Variants in VAV3 observed in about 807,000 individuals in gnomAD.
VAV3 encodes vav guanine nucleotide exchange factor 3, also known as guanine nucleotide exchange factor VAV3.
VAV3 carries 94 observed loss-of-function variants against 131.2 expected under a neutral mutation model. That is an observed-to-expected ratio of 0.72 (90% CI 0.61 to 0.85). The LOEUF is 0.85. Ranked by LOEUF, VAV3 falls within the 40% of genes least tolerant of loss-of-function variation. The probability of loss-of-function intolerance (pLI) is 0.00; values close to 1 mark genes in which losing one functional copy is unlikely to be tolerated. For synonymous variants in VAV3, 349 were observed against 342.0 expected, an observed-to-expected ratio of 1.02 and a Z score of -0.22; for missense variants, 939 against 1,002.7, an observed-to-expected ratio of 0.94 and a Z score of 0.86.
intron 19 of VAV3, among the ~76,000 whole-genome samples, chr1:107,659,766 G>A (rs559514390): frequency 6.6e-6 from 1 of 152,126 alleles, no homozygotes; most frequent in Admixed American, 6.5e-5. Flanking sequence ...GGTTTTTGTT[G>A]AAGGCTTCTT....
At chr1:107,933,968 T>C (rs1036378134) in intron 1 of VAV3, among the ~76,000 whole-genome samples, 3 of 152,148 alleles carry the variant, frequency 2.0e-5, no homozygotes, top group African/African-American at 4.8e-5. Flanking sequence ...TGGCTCACAA[T>C]AGTGATCAGA....
At chr1:107,819,642 C>A (rs1330023536) in intron 2 of VAV3, among the ~76,000 whole-genome samples, 1 of 151,876 alleles carries the variant, frequency 6.6e-6, no homozygotes, top group African/African-American at 2.4e-5. Flanking sequence ...ACTTTTTAAA[C>A]CTTTAAATGG....
intron 2 of VAV3, among the ~76,000 whole-genome samples, chr1:107,814,105 A>G (rs1057353945): frequency 1.3e-5 from 2 of 151,948 alleles, no homozygotes; most frequent in Admixed American, 1.3e-4. Flanking sequence ...ATAGTGCTGC[A>G]ATACACATGG....
chr1:107,785,722 A>G (rs1348727053), intron 2 of VAV3: 2 of 966,416 alleles, frequency 2.1e-6, no homozygotes, highest in African/African-American at 1.8e-5. Context: ...GGAGAAATTC[A>G]GACAGAAGCA....
chr1:107,787,701 T>TG (rs1167467211), intron 2 of VAV3, among the ~76,000 whole-genome samples: 2 of 152,230 alleles, frequency 1.3e-5, no homozygotes, highest in Non-Finnish European at 2.9e-5. Flanking sequence ...AAGCTTTTTG[T>TG]GGTTGCCATT....
intron 4 of VAV3, among the ~76,000 whole-genome samples, chr1:107,774,226 C>T (rs1422257442): frequency 6.6e-6 from 1 of 152,018 alleles, no homozygotes; most frequent in East Asian, 1.9e-4. Flanking sequence ...ACCACCATGC[C>T]CAGTTAATTT....
intron 25 of VAV3, among the ~76,000 whole-genome samples, chr1:107,581,763 T>A (rs1295490817): frequency 6.6e-6 from 1 of 152,232 alleles, no homozygotes; most frequent in Non-Finnish European, 1.5e-5. Context: ...TATTATGTTC[T>A]GCCTTGATCG....
chr1:107,805,908 T>TA (rs1285855521), intron 2 of VAV3, among the ~76,000 whole-genome samples: 2 of 152,122 alleles, frequency 1.3e-5, no homozygotes, highest in African/African-American at 4.8e-5. Context: ...AGCAAACAAT[T>TA]AGTGTGCTAC....
At chr1:107,746,077 C>G (rs753118702) in intron 15 of VAV3, among the ~76,000 whole-genome samples, 1 of 152,156 alleles carries the variant, frequency 6.6e-6, no homozygotes, top group Non-Finnish European at 1.5e-5. Flanking sequence ...AATGGATAAG[C>G]AGCAAAATTT....
At chr1:107,728,453 A>T (rs12751558) in intron 15 of VAV3, among the ~76,000 whole-genome samples, 21,752 of 151,980 alleles carry the variant, frequency 0.14, 1,749 homozygotes, top group South Asian at 0.26. Flanking sequence ...AGGGAAAAAT[A>T]ATCTGTTAAT....
chr1:107,965,064 G>T lies in VAV3; in HGVS notation c.-195C>A. On this transcript the variant is annotated 5_prime_UTR_variant, in exon 1 of 27. Transcript: ENST00000370056. ...TAGGCTCGGCTCCGGTCCCGGCCCG[G>T]GTGCGCCGCGACCCGGCCGCCGCTG... The T allele has an allele frequency of 5.0e-6, 1 of 201,818 alleles. No individual in the cohort carries two copies. The highest frequency in any genetic ancestry group is 8.7e-6 in the Non-Finnish European group (1 of 114,474). 12.5% of individuals were successfully genotyped at this position (201,818 alleles called of 1,614,324 possible). A position where few individuals can be genotyped will look rare whatever the true frequency, so the allele number is the denominator to read the frequency against.
chr1:107,720,193 AAAACTT>A (rs1456963211), intron 15 of VAV3, among the ~76,000 whole-genome samples: 1 of 152,000 alleles, frequency 6.6e-6, no homozygotes, highest in African/African-American at 2.4e-5. Flanking sequence ...CATGTACCCT[AAAACTT>A]AAAGTATAAT....
intron 1 of VAV3, among the ~76,000 whole-genome samples, chr1:107,888,426 A>G (rs1445889127): frequency 6.6e-6 from 1 of 152,178 alleles, no homozygotes; most frequent in African/African-American, 2.4e-5. Context: ...AATGCCTTTC[A>G]GCAGGCTTCT....
At chr1:107,881,754 C>T (rs528023662) in intron 1 of VAV3, among the ~76,000 whole-genome samples, 3 of 152,274 alleles carry the variant, frequency 2.0e-5, no homozygotes, top group Admixed American at 2.0e-4. Flanking sequence ...CAGGCCAAAG[C>T]TCTCTGGATT....
chr1:107,576,598 AC>A (rs1213324672), intron 25 of VAV3: 2 of 812,984 alleles, frequency 2.5e-6, no homozygotes, highest in South Asian at 2.2e-5. Context: ...AACAAGCCAA[AC>A]TTTTACATTT....
At chr1:107,783,830 C>T (rs914118167) in intron 2 of VAV3, among the ~76,000 whole-genome samples, 6 of 149,290 alleles carry the variant, frequency 4.0e-5, no homozygotes, top group Non-Finnish European at 8.9e-5. Flanking sequence ...GGGCAGATCA[C>T]GAGATCAGGA....
At chr1:107,654,144 T>C (rs1440141361) in intron 19 of VAV3, among the ~76,000 whole-genome samples, 1 of 152,098 alleles carries the variant, frequency 6.6e-6, no homozygotes, top group East Asian at 1.9e-4. Context: ...GTGGAATCTT[T>C]GATTGACCAA....
intron 15 of VAV3, among the ~76,000 whole-genome samples, chr1:107,712,305 C>T (rs1390136019): frequency 6.6e-6 from 1 of 152,184 alleles, no homozygotes; most frequent in African/African-American, 2.4e-5. Flanking sequence ...CAACACAAAT[C>T]CGTAAACTTT....
At chr1:107,584,714 A>C (rs929436497) in intron 25 of VAV3, among the ~76,000 whole-genome samples, 1 of 152,218 alleles carries the variant, frequency 6.6e-6, no homozygotes, top group African/African-American at 2.4e-5. Flanking sequence ...ACTTATGTCT[A>C]GGATTATTGT....
Sources: gnomAD v4.1 joint callset for allele counts (sites outside exome capture counted in the v4.1 genomes callset) on GRCh38, gnomAD v4.1.1 for gene constraint, MANE v1.5 for transcripts, NCBI Gene and HGNC (gene_info 2026-07-23, HGNC 2026-07-21) for gene names.